THEMIS: variants seen among roughly 807,000 people sequenced by gnomAD.
THEMIS encodes the protein thymocyte selection associated.
A neutral mutation model predicts 52.6 loss-of-function variants in THEMIS; 37 were observed. That is an observed-to-expected ratio of 0.70 (90% CI 0.54 to 0.93). The LOEUF (loss-of-function observed/expected upper bound fraction) is 0.93, where lower values mean the gene tolerates loss of function less well. Ranked by LOEUF, THEMIS falls within the 40% of genes least tolerant of loss-of-function variation. THEMIS has a pLI of 0.00. For synonymous variants in THEMIS, 292 were observed against 272.7 expected (o/e 1.07, Z -0.70); for missense variants, 808 against 763.1 (o/e 1.06, Z -0.69).
chr6:127,775,869 G>A (rs556934325), intron 4 of THEMIS, among the ~76,000 whole-genome samples: 1 of 151,684 alleles, frequency 6.6e-6, no homozygotes, highest in Non-Finnish European at 1.5e-5. Flanking sequence ...AGCTGTCAAG[G>A]GTTTTTTTAG....
At chr6:127,784,779 C>A (rs1328319131) in intron 4 of THEMIS, among the ~76,000 whole-genome samples, 1 of 152,076 alleles carries the variant, frequency 6.6e-6, no homozygotes, top group African/African-American at 2.4e-5. Context: ...TCTGAAAGAG[C>A]TCAACCCCTG....
At chr6:127,901,293 A>T (rs1472529553), upstream of THEMIS, among the ~76,000 whole-genome samples, 2 of 151,430 alleles carry the variant, frequency 1.3e-5, no homozygotes, top group Admixed American at 6.6e-5. Context: ...ATGGTAGCAA[A>T]ACTGAGGTCA....
At chr6:127,795,323 G>T (rs941927600) in intron 4 of THEMIS, among the ~76,000 whole-genome samples, 1 of 151,898 alleles carries the variant, frequency 6.6e-6, no homozygotes. Context: ...CACCAGATTT[G>T]TATTATTATT....
intron 4 of THEMIS, among the ~76,000 whole-genome samples, chr6:127,724,939 A>G (rs1157886051): frequency 6.6e-6 from 1 of 152,090 alleles, no homozygotes; most frequent in Non-Finnish European, 1.5e-5. Flanking sequence ...ATTTATTCAG[A>G]TTCCTAGTTC....
downstream of THEMIS, among the ~76,000 whole-genome samples, chr6:127,706,284 T>C (rs1773796687): frequency 6.6e-6 from 1 of 152,100 alleles, no homozygotes; most frequent in Admixed American, 6.5e-5. Flanking sequence ...CTCCAAGCAC[T>C]TTACATCTAT....
chr6:127,874,185 T>C (rs1449204582), intron 1 of THEMIS, among the ~76,000 whole-genome samples: 1 of 152,220 alleles, frequency 6.6e-6, no homozygotes, highest in Non-Finnish European at 1.5e-5. Flanking sequence ...AGATGATTAG[T>C]GTAACAGGGT....
At chr6:127,809,271 C>T (rs1777820767) in intron 4 of THEMIS, among the ~76,000 whole-genome samples, 1 of 152,012 alleles carries the variant, frequency 6.6e-6, no homozygotes, top group East Asian at 1.9e-4. Flanking sequence ...TCTTCAAAAG[C>T]ACACATGATA....
chr6:127,862,132 T>C (rs1562307365), intron 1 of THEMIS, among the ~76,000 whole-genome samples: 1 of 152,090 alleles, frequency 6.6e-6, no homozygotes, highest in African/African-American at 2.4e-5. Flanking sequence ...AATTTCAACA[T>C]CCTGAAAAAG....
intron 1 of THEMIS, among the ~76,000 whole-genome samples, chr6:127,908,684 G>A (rs1425854953): frequency 6.6e-6 from 1 of 152,084 alleles, no homozygotes; most frequent in African/African-American, 2.4e-5. Context: ...CCTTTAAATG[G>A]TGGAGGTCCT....
intron 1 of THEMIS, among the ~76,000 whole-genome samples, chr6:127,896,466 T>G (rs2114489524): frequency 6.6e-6 from 1 of 151,634 alleles, no homozygotes; most frequent in African/African-American, 2.4e-5. Flanking sequence ...TTATAAAATG[T>G]TATTGACAGA....
rs537330516 is a variant in THEMIS, at chr6:127,883,496, A to C, written c.91+17346T>G. On this transcript the variant is annotated intron_variant, in intron 1 of 5. Coordinates refer to ENST00000368248, the MANE Select transcript of THEMIS (RefSeq NM_001010923.3). ...ATGTAGCCAAACATACAAATTATTT[A>C]ATTACATATGTTGCATTATATAGAT... is the stretch of plus-strand genomic sequence containing the variant. Among the ~76,000 whole-genome samples, 5 of 152,042 alleles carry C rather than the reference A, an allele frequency of 3.3e-5. No homozygotes were observed. The South Asian group carries it at 1.0e-3, about 32-fold the overall frequency.
At chr6:127,765,527 A>G (rs974136866) in intron 4 of THEMIS, among the ~76,000 whole-genome samples, 2 of 152,164 alleles carry the variant, frequency 1.3e-5, no homozygotes, top group Non-Finnish European at 2.9e-5. Context: ...TGCCAAATGT[A>G]AGGAACTACT....
At position 127,816,109 on chromosome 6, in the gene THEMIS, C is replaced by T. The variant is rs112756037; in HGVS notation, c.710-2178G>A. 1.8e-3 allele frequency among the ~76,000 whole-genome samples: 280 copies of T among 152,268 alleles called. 1 individual carries two copies. Among genetic ancestry groups the T allele is most frequent in the African/African-American group, 6.3e-3 (262 of 41,556 alleles). On this transcript the variant is annotated intron_variant, in intron 3 of 5. Transcript: ENST00000368248. Reference sequence around the variant, plus strand: ...CTTATTTTACTTAAGATCTCAGCAGCATTTGACAAAGTGGATTAGACTCCC... The same window carrying T: ...CTTATTTTACTTAAGATCTCAGCAGTATTTGACAAAGTGGATTAGACTCCC...
intron 4 of THEMIS, among the ~76,000 whole-genome samples, chr6:127,730,869 A>G (rs1583208768): frequency 6.6e-6 from 1 of 152,344 alleles, no homozygotes; most frequent in South Asian, 2.1e-4. Context: ...ATCCTGGATG[A>G]GGTAGGCAAA....
At chr6:127,887,017 C>A (rs941851795) in intron 1 of THEMIS, among the ~76,000 whole-genome samples, 22 of 151,710 alleles carry the variant, frequency 1.5e-4, no homozygotes, top group Admixed American at 2.6e-4. Flanking sequence ...CCTCCCCCCC[C>A]AAAAAATACA....
intron 4 of THEMIS, among the ~76,000 whole-genome samples, chr6:127,804,933 T>C (rs573146848): frequency 6.6e-6 from 1 of 152,274 alleles, no homozygotes; most frequent in African/African-American, 2.4e-5. Flanking sequence ...ATAATATTGG[T>C]ATCTTTTCAG....
At chr6:127,747,281 T>C (rs950585020) in intron 4 of THEMIS, among the ~76,000 whole-genome samples, 4 of 140,596 alleles carry the variant, frequency 2.8e-5, no homozygotes, top group African/African-American at 1.0e-4. Flanking sequence ...ATATTACATA[T>C]AGAGATATCT....
chr6:127,850,248 A>G (rs147302744), intron 2 of THEMIS, among the ~76,000 whole-genome samples: 1 of 152,082 alleles, frequency 6.6e-6, no homozygotes, highest in Non-Finnish European at 1.5e-5. Flanking sequence ...TAGATGATAG[A>G]TGTTGGCATA....
intron 1 of THEMIS, among the ~76,000 whole-genome samples, chr6:127,891,565 CAAAG>C (rs1780812201): frequency 6.9e-6 from 1 of 144,168 alleles, no homozygotes; most frequent in African/African-American, 2.5e-5. Context: ...AAGAAAGAAA[CAAAG>C]AAAAAGAAAG....
Sources: gnomAD v4.1 joint callset for allele counts (sites outside exome capture counted in the v4.1 genomes callset) on GRCh38, gnomAD v4.1.1 for gene constraint, MANE v1.5 for transcripts, NCBI Gene and HGNC (gene_info 2026-07-23, HGNC 2026-07-21) for gene names.